The following CFAP92 variants were observed in gnomAD, a reference collection of about 807,000 sequenced individuals.
The protein encoded by CFAP92 is uncharacterized protein CFAP92.
Under a neutral mutation model 106.3 loss-of-function variants are expected in CFAP92, and 86 were observed. The ratio of observed to expected loss-of-function variants is 0.81; its 90% CI spans 0.68 to 0.97. CFAP92 has a LOEUF of 0.97. Among genes scored for constraint, CFAP92 ranks in the 50% least tolerant of loss-of-function variants. CFAP92 has a pLI of 0.00. For synonymous variants in CFAP92, 477 were observed against 506.4 expected, an observed-to-expected ratio of 0.94 and a Z score of 0.78; for missense variants, 1,204 against 1,283.8, an observed-to-expected ratio of 0.94 and a Z score of 0.95.
the CFAP92 span, among the ~76,000 whole-genome samples, chr3:129,011,899 A>C: frequency 1.3e-5 from 2 of 152,226 alleles, no homozygotes; most frequent in Non-Finnish European, 2.9e-5. Context: ...TGCATCCTTC[A>C]GAGAAGGAAG....
intron 9 of CFAP92, among the ~76,000 whole-genome samples, chr3:128,962,534 T>A (rs1942016136): frequency 6.6e-6 from 1 of 152,156 alleles, no homozygotes; most frequent in Admixed American, 6.5e-5. Flanking sequence ...ATTGCTGCCC[T>A]TCTTCCCAAT....
At chr3:128,963,319 G>A (rs1293875187) in intron 9 of CFAP92, among the ~76,000 whole-genome samples, 1 of 152,160 alleles carries the variant, frequency 6.6e-6, no homozygotes, top group Non-Finnish European at 1.5e-5. Flanking sequence ...TGACCTTACT[G>A]TTTTAGCCTA....
At chr3:129,005,505 G>T (rs1945034002), upstream of CFAP92, among the ~76,000 whole-genome samples, 1 of 152,102 alleles carries the variant, frequency 6.6e-6, no homozygotes, top group Non-Finnish European at 1.5e-5. Context: ...ATGAAACCAT[G>T]GAAAAGTTTT....
At chr3:128,950,144 G>A (rs1435237561) in intron 9 of CFAP92, among the ~76,000 whole-genome samples, 1 of 152,190 alleles carries the variant, frequency 6.6e-6, no homozygotes, top group Non-Finnish European at 1.5e-5. Context: ...GGGAGATTAG[G>A]TGACCAAATG....
intron 15 of CFAP92, 23 bp downstream of exon 15, chr3:128,915,096 C>A: frequency 6.5e-7 from 1 of 1,531,798 alleles, no homozygotes; most frequent in South Asian, 1.2e-5. Flanking sequence ...GGAGGCCCAG[C>A]TTGGCAAACC....
At chr3:128,991,695 C>G in intron 2 of CFAP92, 2 of 912,144 alleles carry the variant, frequency 2.2e-6, no homozygotes, top group South Asian at 3.6e-5. Flanking sequence ...CCGGCCTGCA[C>G]CAAGGCGTTC....
At chr3:128,959,818 T>C (rs899946327) in intron 9 of CFAP92, among the ~76,000 whole-genome samples, 2 of 152,218 alleles carry the variant, frequency 1.3e-5, no homozygotes, top group South Asian at 2.1e-4. Flanking sequence ...AGGTGATAAC[T>C]GTCAGGCCTC....
intron 4 of CFAP92, among the ~76,000 whole-genome samples, chr3:128,982,874 A>G (rs929710988): frequency 6.6e-6 from 1 of 152,230 alleles, no homozygotes; most frequent in African/African-American, 2.4e-5. Context: ...TCACCGTTTC[A>G]CACACATGCA....
In CFAP92 at chr3:128,971,428, C is replaced by T; in HGVS notation, c.1027G>A (p.Gly343Arg). ...TTCCTTCTTCCCTCTGAATCTTTCC[C>T]TTTAACTGTGAAATCAAACAAAGGA... The part of the protein sequence containing the change: ...ILDRQRSQIK[G>R]KDSEGRRKIQ... The change falls in exon 8 of 16, where the codon GGG becomes AGG. Residue 343 changes from glycine (G) to arginine (R), a missense_variant. By Grantham distance (125) the Gly-to-Arg change is moderately radical. Transcript: ENST00000645291. 1 of 1,602,388 alleles carries T rather than the reference C, an allele frequency of 6.2e-7. No individual in the cohort carries two copies. The highest frequency in any genetic ancestry group is 8.5e-7 in the Non-Finnish European group (1 of 1,174,638).
intron 13 of CFAP92, 114 bp from the exon 14 acceptor site, chr3:128,915,677 A>G: frequency 1.4e-6 from 1 of 704,544 alleles, no homozygotes; most frequent in East Asian, 2.7e-5. Context: ...GACAATGTAA[A>G]TAGTGCATTG....
At chr3:128,918,940 A>ATTTTTTTTT (rs10573280) in intron 12 of CFAP92, among the ~76,000 whole-genome samples, 11 of 105,872 alleles carry the variant, frequency 1.0e-4, no homozygotes, top group African/African-American at 3.8e-4. Flanking sequence ...CTCAGATTGG[A>ATTTTTTTTT]TTTTTTTTTT....
intron 12 of CFAP92, 35 bp from the exon 13 acceptor site, chr3:128,916,306 G>C: frequency 8.2e-7 from 1 of 1,224,282 alleles, no homozygotes; most frequent in Non-Finnish European, 1.0e-6. Context: ...ACCCACACCA[G>C]GTCATCCTCA....
chr3:128,995,472 G>A (rs367584760), upstream of CFAP92, among the ~76,000 whole-genome samples: 9 of 152,318 alleles, frequency 5.9e-5, 1 homozygote, highest in African/African-American at 2.2e-4. Flanking sequence ...GAAGTGCTCA[G>A]GAGACACATG....
intron 8 of CFAP92, chr3:128,966,791 C>G (rs537287118): frequency 2.6e-5 from 4 of 152,260 alleles, no homozygotes; most frequent in East Asian, 1.9e-4. Context: ...AGGCTGTTCT[C>G]GATCTCCTGA....
chr3:128,952,688 G>T (rs1940931730), intron 9 of CFAP92, among the ~76,000 whole-genome samples: 1 of 152,188 alleles, frequency 6.6e-6, no homozygotes, highest in South Asian at 2.1e-4. Context: ...GGCTGAGGTG[G>T]CAGGGTCACT....
rs1235339413 is a variant in CFAP92, at chr3:128,931,887, G to A, written c.2751+813C>T. Among the ~76,000 whole-genome samples, 9 of 152,028 alleles carry A rather than the reference G, an allele frequency of 5.9e-5. No individual in the cohort carries two copies. In the East Asian group the frequency reaches 7.7e-4, roughly 13 times the overall value. Reference sequence around the variant, plus strand: ...AAAAAGTAAAAAAAATTAACCAGGTGTGGTGGCGCATGCCTGCCTACTCAG... The same window carrying A: ...AAAAAGTAAAAAAAATTAACCAGGTATGGTGGCGCATGCCTGCCTACTCAG... On this transcript the variant is annotated intron_variant, in intron 12 of 15. Transcript: ENST00000645291.
chr3:128,934,289 G>A (rs1371145654), intron 11 of CFAP92, among the ~76,000 whole-genome samples: 2 of 151,824 alleles, frequency 1.3e-5, no homozygotes, highest in East Asian at 3.9e-4. Flanking sequence ...ACGCAATCTC[G>A]GCTCACTGCA....
intron 12 of CFAP92, among the ~76,000 whole-genome samples, chr3:128,928,105 T>C (rs1937899225): frequency 6.6e-6 from 1 of 151,920 alleles, no homozygotes; most frequent in Admixed American, 6.6e-5. Context: ...TACAAAAAAT[T>C]AGCCGGGAGT....
upstream of CFAP92, chr3:129,003,442 G>A: frequency 3.5e-6 from 1 of 283,072 alleles, no homozygotes; most frequent in Non-Finnish European, 5.3e-6. Context: ...ATGAGGAACC[G>A]CCACCCGGCA....
Sources: allele counts gnomAD v4.1 joint callset (sites outside exome capture counted in the v4.1 genomes callset), GRCh38; gene constraint gnomAD v4.1.1; transcripts MANE v1.5; gene names NCBI Gene and HGNC (gene_info 2026-07-23, HGNC 2026-07-21).